Variants in GEMIN7 observed in about 807,000 individuals in gnomAD.
GEMIN7 encodes gem nuclear organelle associated protein 7.
Under a neutral mutation model 7.8 loss-of-function variants are expected in GEMIN7, and 7 were observed. That is an observed-to-expected ratio of 0.90 (90% CI 0.51 to 1.69). The LOEUF is 1.69. GEMIN7 is among the 40% of genes most tolerant of loss of function. GEMIN7 has a pLI of 0.00. For missense variants in GEMIN7, 159 were observed against 176.2 expected, an observed-to-expected ratio of 0.90 and a Z score of 0.55; for synonymous variants, 68 against 72.4, an observed-to-expected ratio of 0.94 and a Z score of 0.31.
intron 2 of GEMIN7, among the ~76,000 whole-genome samples, chr19:45,083,173 C>T (rs141479928): frequency 0.011 from 1,629 of 152,344 alleles, 15 homozygotes; most frequent in Middle Eastern, 0.024. Flanking sequence ...CCGCTGGGCG[C>T]GGTAGCTCAC....
At chr19:45,088,936 C>CTTTTTTTTTTTTTTT (rs368470130) in intron 2 of GEMIN7, among the ~76,000 whole-genome samples, 1 of 143,202 alleles carries the variant, frequency 7.0e-6, no homozygotes, top group African/African-American at 2.6e-5. Context: ...CCCATCCATG[C>CTTTTTTTTTTTTTTT]TTTTTTTTTT....
rs1967885902 is a variant in GEMIN7, at chr19:45,091,348, C to G, written c.*838C>G. 2 of 167,188 alleles carry G rather than the reference C, an allele frequency of 1.2e-5. No homozygotes were observed. The highest frequency in any genetic ancestry group is 1.3e-4 in the Admixed American group (2 of 15,296). The allele number at this position is 167,188 out of a possible 1,614,324, so 10.4% of individuals were successfully genotyped here. A position where few individuals can be genotyped will look rare whatever the true frequency, so the allele number is the denominator to read the frequency against. ...TCACTCCCTCCTCTTTTCTCTCCAG[C>G]CTTGCAGCGTGGCCGTTCACATCAC... On this transcript the variant is annotated 3_prime_UTR_variant, in exon 3 of 3. Coordinates refer to ENST00000270257, the MANE Select transcript of GEMIN7 (RefSeq NM_024707.3).
At chr19:45,075,789 C>T, upstream of GEMIN7, 2 of 1,614,116 alleles carry the variant, frequency 1.2e-6, no homozygotes, top group Non-Finnish European at 1.7e-6. Flanking sequence ...CAGTGATGGC[C>T]TCCAACGGGA....
At chr19:45,076,192 C>T (rs1470696352), upstream of GEMIN7, 3 of 1,501,304 alleles carry the variant, frequency 2.0e-6, no homozygotes, top group South Asian at 4.0e-5. The surrounding 1 kb of genome is among the most constrained non-coding windows in gnomAD (Gnocchi z 4.9). Context: ...GCCGCCGAAC[C>T]GCCCCGCCGA....
chr19:45,089,337 T>G (rs977564372), intron 2 of GEMIN7, among the ~76,000 whole-genome samples: 3 of 152,326 alleles, frequency 2.0e-5, no homozygotes, highest in African/African-American at 7.2e-5. Flanking sequence ...ATTTATTCAT[T>G]TATTTATTAT....
chr19:45,088,078 T>C (rs1489883668), intron 2 of GEMIN7, among the ~76,000 whole-genome samples: 2 of 151,404 alleles, frequency 1.3e-5, no homozygotes, highest in Non-Finnish European at 2.9e-5. Flanking sequence ...CCTGAGTAGC[T>C]GGGATTACAG....
intron 2 of GEMIN7, among the ~76,000 whole-genome samples, chr19:45,087,134 C>T (rs1967719961): frequency 6.6e-6 from 1 of 151,032 alleles, no homozygotes; most frequent in African/African-American, 2.4e-5. Context: ...CGTGAGCCAC[C>T]GCGCCCAGCC....
chr19:45,087,193 G>C (rs1040767481), intron 2 of GEMIN7, among the ~76,000 whole-genome samples: 1 of 152,148 alleles, frequency 6.6e-6, no homozygotes, highest in Non-Finnish European at 1.5e-5. Context: ...GCCCAGGCTG[G>C]AGTACAGTGG....
upstream of GEMIN7, among the ~76,000 whole-genome samples, chr19:45,077,758 C>T (rs1457544430): frequency 6.6e-6 from 1 of 152,170 alleles, no homozygotes; most frequent in Non-Finnish European, 1.5e-5. Flanking sequence ...GTCCCCAGTT[C>T]CCTCTTGGAT....
intron 2 of GEMIN7, among the ~76,000 whole-genome samples, chr19:45,081,189 G>A (rs1455348614): frequency 6.6e-6 from 1 of 152,096 alleles, no homozygotes; most frequent in Non-Finnish European, 1.5e-5. Context: ...ATGCAAGGCC[G>A]GGCACGGTGG....
chr19:45,079,226 C>A (rs1039997918), upstream of GEMIN7: 1 of 152,362 alleles, frequency 6.6e-6, no homozygotes, highest in African/African-American at 2.4e-5. Flanking sequence ...CCTGCCCGGG[C>A]CTCTGCAGCG....
Position 45,090,567 on chromosome 19 carries a change from A to C in GEMIN7, c.*57A>C. The C allele has an allele frequency of 6.0e-6, 9 of 1,509,648 alleles. No individual in the cohort carries two copies. Among genetic ancestry groups the C allele is most frequent in the Non-Finnish European group, 8.1e-6 (9 of 1,107,460 alleles). The allele number at this position is 1,509,648 out of a possible 1,614,324, so 93.5% of individuals were successfully genotyped here. ...AAGGCACTGTATCCCAGGCCTCCCA[A>C]TGTTCCCGAGCCAGGAACTCTGGGC... On this transcript the variant is annotated 3_prime_UTR_variant, in exon 3 of 3. Coordinates refer to ENST00000270257, the MANE Select transcript of GEMIN7 (RefSeq NM_024707.3).
intron 2 of GEMIN7, among the ~76,000 whole-genome samples, chr19:45,082,808 A>G (rs1449427861): frequency 1.6e-4 from 20 of 124,508 alleles, no homozygotes; most frequent in Non-Finnish European, 2.3e-4. Context: ...TTTTGTAGAG[A>G]TGGGGTTTTG....
chr19:45,081,160 C>A (rs895210916), intron 2 of GEMIN7, among the ~76,000 whole-genome samples: 36 of 152,096 alleles, frequency 2.4e-4, no homozygotes, highest in African/African-American at 7.7e-4. Flanking sequence ...AGTAAATGTG[C>A]TTTTTAAAAA....
intron 2 of GEMIN7, chr19:45,085,331 G>C (rs1967644270): frequency 6.6e-6 from 1 of 151,954 alleles, no homozygotes; most frequent in Non-Finnish European, 1.5e-5. Context: ...AATTCATGGA[G>C]ACTTTAAAAA....
chr19:45,090,192 C>T lies in GEMIN7; in HGVS notation c.78C>T (p.Ala26=), dbSNP rs763137859. The T allele has an allele frequency of 6.2e-7, 1 of 1,614,182 alleles. No homozygotes were observed. Among genetic ancestry groups the T allele is most frequent in the Non-Finnish European group, 8.5e-7 (1 of 1,180,026 alleles). ...RGPDGFSRGF[A]PDGRRAPLRP... is the part of the protein sequence containing the mutation. ...CTGATGGCTTCAGCCGTGGCTTTGC[C>T]CCTGATGGACGCAGAGCCCCCTTGA... The change falls in exon 3 of 3, where the codon GCC becomes GCT. Residue 26 remains alanine, a synonymous_variant. Transcript: ENST00000270257.
At chr19:45,083,748 G>A (rs1388784232) in intron 2 of GEMIN7, among the ~76,000 whole-genome samples, 1 of 149,908 alleles carries the variant, frequency 6.7e-6, no homozygotes, top group Admixed American at 6.7e-5. Context: ...CTACAGGAGC[G>A]CACCCTTTGC....
At chr19:45,076,497 C>A (rs1039187007), upstream of GEMIN7, 17 of 693,256 alleles carry the variant, frequency 2.5e-5, no homozygotes, top group Non-Finnish European at 3.4e-5. This position sits in a 1 kb window ranked among gnomAD's most constrained non-coding sequence, Gnocchi z 4.9. Context: ...CCGCCGCGAA[C>A]TCTTACACGT....
intron 2 of GEMIN7, among the ~76,000 whole-genome samples, chr19:45,081,205 G>A (rs1403423938): frequency 6.6e-6 from 1 of 152,206 alleles, no homozygotes. Flanking sequence ...GGTGGCTCAT[G>A]CCTGTAATCC....
Sources: allele counts gnomAD v4.1 joint callset (sites outside exome capture counted in the v4.1 genomes callset), GRCh38; gene constraint gnomAD v4.1.1; non-coding constraint Gnocchi (gnomAD v3.1); transcripts MANE v1.5; gene names NCBI Gene and HGNC (gene_info 2026-07-23, HGNC 2026-07-21).